KLF13: variants seen among roughly 807,000 people sequenced by gnomAD.
The protein encoded by KLF13 is Krueppel-like factor 13.
A neutral mutation model predicts 16.7 loss-of-function variants in KLF13; 8 were observed. That is an observed-to-expected ratio of 0.48 (90% confidence interval 0.28 to 0.87). The LOEUF (loss-of-function observed/expected upper bound fraction) is 0.87. Among genes scored for constraint, KLF13 ranks in the 40% least tolerant of loss-of-function variants. The pLI is 0.10. For synonymous variants in KLF13, 245 were observed against 208.4 expected (o/e 1.18, Z -1.51); for missense variants, 447 against 452.2 (o/e 0.99, Z 0.10).
chr15:31,356,803 C>G (rs1020378888), intron 1 of KLF13, among the ~76,000 whole-genome samples: 1 of 152,190 alleles, frequency 6.6e-6, no homozygotes, highest in African/African-American at 2.4e-5. Flanking sequence ...GGTCTCTTTG[C>G]CTCTCAGGGC....
At chr15:31,361,395 T>C (rs2039381881) in intron 1 of KLF13, among the ~76,000 whole-genome samples, 1 of 152,196 alleles carries the variant, frequency 6.6e-6, no homozygotes, top group African/African-American at 2.4e-5. Context: ...ACATCAACAC[T>C]TTCCTGTCTT....
intron 1 of KLF13, among the ~76,000 whole-genome samples, chr15:31,359,584 T>C (rs572451996): frequency 1.3e-5 from 2 of 152,292 alleles, no homozygotes; most frequent in African/African-American, 2.4e-5. Context: ...AGTGATTCAT[T>C]TGATGAAGGC....
intron 2 of KLF13, among the ~76,000 whole-genome samples, chr15:31,401,406 A>G (rs1227570167): frequency 2.0e-5 from 3 of 152,210 alleles, no homozygotes; most frequent in Non-Finnish European, 4.4e-5. Flanking sequence ...GGGGTGTAAC[A>G]TCCCAGCTGG....
At position 31,429,928 on chromosome 15, in the gene KLF13, G is replaced by A. The variant is rs182182779; in HGVS notation, n.118-5442G>A. Among the ~76,000 whole-genome samples the A allele has an allele frequency of 2.2e-3, 334 of 152,134 alleles. 1 individual carries two copies. The highest frequency in any genetic ancestry group is 2.1e-3 in the Non-Finnish European group (145 of 68,010). ...TTTTGTTATTTTTAGTAGTGACAGG[G>A]TTTCATCATGTTAGCCAGGATGGTC... On this transcript the variant is annotated intron_variant and non_coding_transcript_variant, in intron 1 of 1. Transcript: ENST00000558225.
At chr15:31,356,503 G>A (rs577752898) in intron 1 of KLF13, among the ~76,000 whole-genome samples, 14 of 152,364 alleles carry the variant, frequency 9.2e-5, no homozygotes, top group African/African-American at 2.9e-4. Context: ...AATGAGCCAA[G>A]ATCGCGCCAC....
Position 31,400,476 on chromosome 15 carries a change from C to T in KLF13, n.530-2952C>T, listed in dbSNP as rs371296063. 1.2e-4 allele frequency among the ~76,000 whole-genome samples: 18 copies of T among 152,132 alleles called. 2 individuals carry two copies. Among genetic ancestry groups the T allele is most frequent in the African/African-American group, 4.1e-4 (17 of 41,492 alleles). On this transcript the variant is annotated intron_variant and non_coding_transcript_variant, in intron 2 of 2. Transcript: ENST00000500533. The stretch of plus-strand genomic sequence containing the variant: ...TTAAAAAGTGAGTCAGCCAGCCTTA[C>T]GAAGTGTGCCACAGGCAGGGAGAAC...
chr15:31,355,062 C>T (rs1287048097), intron 1 of KLF13, among the ~76,000 whole-genome samples: 2 of 152,180 alleles, frequency 1.3e-5, no homozygotes, highest in African/African-American at 4.8e-5. Context: ...GAGCCCATCT[C>T]GCCATCCCTC....
chr15:31,428,992 C>T (rs2040435402), intron 1 of KLF13, among the ~76,000 whole-genome samples: 1 of 152,022 alleles, frequency 6.6e-6, no homozygotes, highest in South Asian at 2.1e-4. Context: ...AGATGATCTA[C>T]ATAATTTGCA....
intron 1 of KLF13, among the ~76,000 whole-genome samples, chr15:31,348,177 G>C (rs191463261): frequency 5.3e-4 from 81 of 152,352 alleles, no homozygotes; most frequent in African/African-American, 1.8e-3. Context: ...TGGATTGCCT[G>C]TGGAGCTGGG....
At chr15:31,348,207 T>C (rs1194437825) in intron 1 of KLF13, among the ~76,000 whole-genome samples, 3 of 152,178 alleles carry the variant, frequency 2.0e-5, no homozygotes, top group East Asian at 3.8e-4. Flanking sequence ...TTGCCACTCT[T>C]GTCAGGATGA....
At chr15:31,380,149 C>A (rs776122773), downstream of KLF13, among the ~76,000 whole-genome samples, 2 of 152,102 alleles carry the variant, frequency 1.3e-5, no homozygotes, top group Non-Finnish European at 1.5e-5. Context: ...ACTAAAAATT[C>A]AAAAATGTGG....
intron 1 of KLF13, among the ~76,000 whole-genome samples, chr15:31,429,854 C>A (rs2040450047): frequency 6.6e-6 from 1 of 151,850 alleles, no homozygotes; most frequent in African/African-American, 2.4e-5. Flanking sequence ...CGGCCTCAGC[C>A]TCCCGAGTAG....
chr15:31,428,623 G>A lies in KLF13; in HGVS notation n.118-6747G>A, dbSNP rs1444473162. ...AGATCAAGACCATCCTGGCTAACAC[G>A]GTGAAACCCCGTCTCTACTAAAAAA... is the stretch of plus-strand genomic sequence containing the variant. On this transcript the variant is annotated intron_variant and non_coding_transcript_variant, in intron 1 of 1. Transcript: ENST00000558225. Among the ~76,000 whole-genome samples, 3 of 151,776 alleles carry A rather than the reference G, an allele frequency of 2.0e-5. No homozygotes were observed. In the East Asian group the frequency reaches 5.8e-4, roughly 29 times the overall value.
chr15:31,330,330 G>A (rs1200624060), intron 1 of KLF13, among the ~76,000 whole-genome samples: 2 of 152,196 alleles, frequency 1.3e-5, no homozygotes, highest in East Asian at 3.8e-4. Flanking sequence ...ATTAGGCTCG[G>A]GAAGGTGCCC....
At position 31,423,103 on chromosome 15, in the gene KLF13, ATACGTATACG is replaced by A. The variant is rs1298934465; in HGVS notation, n.118-12264_118-12255del. 1.1e-4 allele frequency among the ~76,000 whole-genome samples: 13 copies of A among 121,480 alleles called. 1 individual carries two copies. Among genetic ancestry groups the A allele is most frequent in the African/African-American group, 3.5e-4 (10 of 28,584 alleles). 79.7% of individuals were successfully genotyped at this position (121,480 alleles called of 152,430 possible). A position where few individuals can be genotyped will look rare whatever the true frequency, so the allele number is the denominator to read the frequency against. ...TACATATATATACGTATATATACGTATACGTATACGTATATATACGTATATATACGTATAC... is the reference window on the plus strand; with the variant it reads ...TACATATATATACGTATATATACGTATATATATACGTATATATACGTATAC... On this transcript the variant is annotated intron_variant and non_coding_transcript_variant, in intron 1 of 1. Coordinates refer to the KLF13 transcript ENST00000558225.
chr15:31,353,263 C>T (rs909554650), intron 1 of KLF13, among the ~76,000 whole-genome samples: 1 of 152,184 alleles, frequency 6.6e-6, no homozygotes, highest in African/African-American at 2.4e-5. Context: ...TTACAGCCGC[C>T]TGTGCTGGGC....
downstream of KLF13, among the ~76,000 whole-genome samples, chr15:31,380,533 T>C (rs915534402): frequency 9.9e-5 from 15 of 152,176 alleles, no homozygotes; most frequent in East Asian, 7.7e-4. Flanking sequence ...TCTCCTAGCC[T>C]TGTTGGTCAT....
upstream of KLF13, among the ~76,000 whole-genome samples, chr15:31,389,937 G>A (rs373887266): frequency 5.9e-5 from 9 of 152,152 alleles, no homozygotes; most frequent in South Asian, 2.1e-4. Context: ...CAAATGGGGC[G>A]AACTCATTTT....
chr15:31,338,247 C>T (rs542471974), intron 1 of KLF13, among the ~76,000 whole-genome samples: 2 of 152,322 alleles, frequency 1.3e-5, no homozygotes, highest in South Asian at 4.1e-4. Context: ...GTTTGAATTC[C>T]TTTGCACATC....
Sources: gnomAD v4.1 joint callset for allele counts (sites outside exome capture counted in the v4.1 genomes callset) on GRCh38, gnomAD v4.1.1 for gene constraint, MANE v1.5 for transcripts, NCBI Gene and HGNC (gene_info 2026-07-23, HGNC 2026-07-21) for gene names.